Variants in RFTN2 observed in about 807,000 individuals in gnomAD.
The protein encoded by RFTN2 is raftlin family member 2, also known as raftlin-2.
In RFTN2, 34 loss-of-function variants were observed where a neutral mutation model predicts 52.7. The observed-to-expected ratio is 0.64, with a 90% CI of 0.49 to 0.86. The LOEUF is 0.86. Among genes scored for constraint, RFTN2 ranks in the 40% least tolerant of loss-of-function variants. The pLI is 0.00. For missense variants in RFTN2, 536 were observed against 600.1 expected (o/e 0.89, Z 1.12); for synonymous variants, 203 against 217.7 (o/e 0.93, Z 0.59).
chr2:197,614,664 G>A (rs2088113640), intron 7 of RFTN2, among the ~76,000 whole-genome samples: 1 of 152,200 alleles, frequency 6.6e-6, no homozygotes, highest in Admixed American at 6.6e-5. Flanking sequence ...TCCTGCACCT[G>A]CCCATCTGTG....
intron 6 of RFTN2, among the ~76,000 whole-genome samples, chr2:197,616,476 G>C (rs1185467647): frequency 1.3e-5 from 2 of 151,716 alleles, no homozygotes; most frequent in African/African-American, 2.4e-5. Flanking sequence ...ATTTTTTGTA[G>C]AGATGGGGTC....
chr2:197,667,304 ATCTC>A (rs1340078042), intron 1 of RFTN2, among the ~76,000 whole-genome samples: 1 of 152,000 alleles, frequency 6.6e-6, no homozygotes, highest in Non-Finnish European at 1.5e-5. Context: ...TTTTATATCT[ATCTC>A]TCTGGTAAAT....
intron 7 of RFTN2, among the ~76,000 whole-genome samples, chr2:197,612,473 G>T (rs1171495341): frequency 6.6e-6 from 1 of 152,126 alleles, no homozygotes; most frequent in African/African-American, 2.4e-5. Flanking sequence ...CCTTTATTTT[G>T]GTGGTTTAAC....
At chr2:197,626,206 T>C (rs1295814911) in intron 5 of RFTN2, among the ~76,000 whole-genome samples, 5 of 152,222 alleles carry the variant, frequency 3.3e-5, no homozygotes, top group Non-Finnish European at 5.9e-5. Flanking sequence ...TCTACCACTT[T>C]CTAGTTGTGT....
intron 1 of RFTN2, among the ~76,000 whole-genome samples, chr2:197,650,311 C>T (rs920237045): frequency 6.6e-6 from 1 of 152,036 alleles, no homozygotes; most frequent in Non-Finnish European, 1.5e-5. Flanking sequence ...ACCATCATTC[C>T]ACTTTCTTTT....
intron 3 of RFTN2, among the ~76,000 whole-genome samples, chr2:197,643,715 A>T (rs553980212): frequency 6.6e-6 from 1 of 152,192 alleles, no homozygotes; most frequent in South Asian, 2.1e-4. Flanking sequence ...TTCCTAGTAC[A>T]GTTAAGTTAT....
intron 8 of RFTN2, among the ~76,000 whole-genome samples, chr2:197,584,437 C>T (rs1039235668): frequency 6.2e-4 from 94 of 152,258 alleles, no homozygotes; most frequent in African/African-American, 2.0e-3. Context: ...TGTTCATATG[C>T]TTTGCCCACT....
At chr2:197,575,849 T>A (rs144886091) in intron 8 of RFTN2, among the ~76,000 whole-genome samples, 18 of 114,686 alleles carry the variant, frequency 1.6e-4, no homozygotes, top group Non-Finnish European at 2.6e-4. Flanking sequence ...ATATATATTT[T>A]ATATACATAA....
chr2:197,613,183 C>G (rs545294950), intron 7 of RFTN2, among the ~76,000 whole-genome samples: 3 of 152,284 alleles, frequency 2.0e-5, no homozygotes, highest in Admixed American at 2.0e-4. Context: ...AAGCTACCAT[C>G]CCTGAACATT....
chr2:197,604,495 T>TA, intron 7 of RFTN2, among the ~76,000 whole-genome samples: 1 of 152,282 alleles, frequency 6.6e-6, no homozygotes, highest in Admixed American at 6.5e-5. Context: ...CATATAAAGT[T>TA]AAAAAACAGG....
intron 2 of RFTN2, among the ~76,000 whole-genome samples, chr2:197,644,615 T>G (rs1390157795): frequency 1.3e-5 from 2 of 152,224 alleles, no homozygotes. Flanking sequence ...TAAATGCAAA[T>G]AAATATTGCC....
chr2:197,656,523 C>T (rs548955231), intron 1 of RFTN2, among the ~76,000 whole-genome samples: 6 of 152,192 alleles, frequency 3.9e-5, no homozygotes, highest in Non-Finnish European at 7.4e-5. Context: ...CAAGTAAACA[C>T]GCAAATAGAC....
intron 5 of RFTN2, among the ~76,000 whole-genome samples, chr2:197,625,397 G>A (rs890809112): frequency 2.6e-5 from 4 of 152,170 alleles, no homozygotes; most frequent in African/African-American, 9.7e-5. Context: ...CTGTAAAGGT[G>A]CAGAGAGGTA....
At chr2:197,612,851 A>C (rs1171362644) in intron 7 of RFTN2, among the ~76,000 whole-genome samples, 2 of 152,228 alleles carry the variant, frequency 1.3e-5, no homozygotes, top group Admixed American at 6.5e-5. Context: ...TAGGCCATTC[A>C]AGTATGGCTT....
chr2:197,582,811 C>T (rs1249208055), intron 8 of RFTN2, among the ~76,000 whole-genome samples: 1 of 152,152 alleles, frequency 6.6e-6, no homozygotes, highest in East Asian at 1.9e-4. Context: ...TCATTCACTG[C>T]AAGAGCCATC....
chr2:197,617,264 A>G (rs989518245), intron 6 of RFTN2, among the ~76,000 whole-genome samples: 1 of 152,194 alleles, frequency 6.6e-6, no homozygotes, highest in Non-Finnish European at 1.5e-5. Flanking sequence ...TTTTGGCTTA[A>G]AATTTTTGGG....
intron 3 of RFTN2, among the ~76,000 whole-genome samples, chr2:197,642,487 T>C (rs1213327477): frequency 6.6e-6 from 1 of 152,236 alleles, no homozygotes; most frequent in Non-Finnish European, 1.5e-5. Context: ...TTTTCTCTCT[T>C]GACAGTCAAT....
chr2:197,603,371 G>A (rs2087909630), intron 7 of RFTN2, among the ~76,000 whole-genome samples: 1 of 152,116 alleles, frequency 6.6e-6, no homozygotes, highest in South Asian at 2.1e-4. Flanking sequence ...ACATCATAGA[G>A]TAAAAAGACA....
intron 8 of RFTN2, among the ~76,000 whole-genome samples, chr2:197,587,271 T>C (rs754614640): frequency 1.5e-4 from 23 of 152,064 alleles, no homozygotes; most frequent in Non-Finnish European, 3.2e-4. Context: ...GCCCATTATC[T>C]CTCCATACCA....
Sources: gnomAD v4.1 joint callset for allele counts (sites outside exome capture counted in the v4.1 genomes callset) on GRCh38, gnomAD v4.1.1 for gene constraint, MANE v1.5 for transcripts, NCBI Gene and HGNC (gene_info 2026-07-23, HGNC 2026-07-21) for gene names.